The following GRIK1 variants were observed in gnomAD, a reference collection of about 807,000 sequenced individuals.
GRIK1 encodes glutamate receptor ionotropic, kainate 1.
In GRIK1, 69 loss-of-function variants were observed where a neutral mutation model predicts 105.7. The observed-to-expected ratio is 0.65, with a 90% CI of 0.54 to 0.80. The LOEUF is 0.80. Ranked by LOEUF, GRIK1 falls within the 30% of genes least tolerant of loss-of-function variation. The pLI is 0.00. For synonymous variants in GRIK1, 438 were observed against 431.3 expected (o/e 1.02, Z -0.19); for missense variants, 1,109 against 1,167.3 (o/e 0.95, Z 0.73).
intron 1 of GRIK1, among the ~76,000 whole-genome samples, chr21:29,834,482 C>T (rs1260404728): frequency 6.6e-6 from 1 of 151,174 alleles, no homozygotes; most frequent in Non-Finnish European, 1.5e-5. Flanking sequence ...TTCCTTCACC[C>T]CCCACTTTGT....
At chr21:29,641,730 C>T (rs2062514974) in intron 7 of GRIK1, among the ~76,000 whole-genome samples, 2 of 152,146 alleles carry the variant, frequency 1.3e-5, no homozygotes, top group South Asian at 4.1e-4. Context: ...CCTGGGCTTG[C>T]AAGCAACCTA....
intron 9 of GRIK1, among the ~76,000 whole-genome samples, chr21:29,593,073 T>A (rs2061355325): frequency 6.6e-6 from 1 of 152,214 alleles, no homozygotes; most frequent in Non-Finnish European, 1.5e-5. Flanking sequence ...TTTAGAGACA[T>A]CAATGCTTTG....
chr21:29,813,520 A>AT (rs1286217138), intron 1 of GRIK1, among the ~76,000 whole-genome samples: 1 of 152,164 alleles, frequency 6.6e-6, no homozygotes, highest in East Asian at 1.9e-4. Flanking sequence ...TTTCACACAC[A>AT]TTTTTTGTAT....
intron 1 of GRIK1, among the ~76,000 whole-genome samples, chr21:29,923,220 G>A (rs2071246753): frequency 6.6e-6 from 1 of 152,160 alleles, no homozygotes; most frequent in Non-Finnish European, 1.5e-5. Context: ...CCCTAGAGAA[G>A]TTCTTTTTTC....
chr21:29,633,313 A>G (rs1281206623), intron 7 of GRIK1, among the ~76,000 whole-genome samples: 1 of 152,196 alleles, frequency 6.6e-6, no homozygotes, highest in Non-Finnish European at 1.5e-5. Flanking sequence ...ATCCTGGCCA[A>G]CATGGTGAAA....
chr21:29,827,999 CTCTG>C (rs58878963), intron 1 of GRIK1, among the ~76,000 whole-genome samples: 4 of 97,016 alleles, frequency 4.1e-5, no homozygotes, highest in East Asian at 5.4e-4. Context: ...CTCTCTCTCT[CTCTG>C]TCTCTCTCTG....
intron 3 of GRIK1, among the ~76,000 whole-genome samples, chr21:29,676,168 A>T (rs1361314321): frequency 6.6e-6 from 1 of 152,242 alleles, no homozygotes; most frequent in East Asian, 1.9e-4. Context: ...TAATTGGAAT[A>T]AATTTATCTT....
At chr21:29,887,688 T>C (rs1418155940) in intron 1 of GRIK1, among the ~76,000 whole-genome samples, 3 of 152,182 alleles carry the variant, frequency 2.0e-5, no homozygotes, top group African/African-American at 4.8e-5. Context: ...CCTAAGTTAC[T>C]ATAATCTTTT....
intron 1 of GRIK1, among the ~76,000 whole-genome samples, chr21:29,907,261 C>T (rs2070676870): frequency 6.6e-6 from 1 of 151,732 alleles, no homozygotes; most frequent in Non-Finnish European, 1.5e-5. Context: ...AATGCTTTTA[C>T]CTGTTACTTT....
At chr21:29,816,195 A>G (rs2145909061) in intron 1 of GRIK1, among the ~76,000 whole-genome samples, 1 of 152,242 alleles carries the variant, frequency 6.6e-6, no homozygotes, top group Admixed American at 6.5e-5. Context: ...TATGAAAAAT[A>G]TAATCAACAT....
At chr21:29,831,244 G>A (rs2067628142) in intron 1 of GRIK1, among the ~76,000 whole-genome samples, 1 of 152,138 alleles carries the variant, frequency 6.6e-6, no homozygotes, top group South Asian at 2.1e-4. Flanking sequence ...GTACTGTCTG[G>A]TTGGGCTCTT....
chr21:29,809,245 T>C (rs1423258770), intron 1 of GRIK1, among the ~76,000 whole-genome samples: 1 of 152,118 alleles, frequency 6.6e-6, no homozygotes, highest in Non-Finnish European at 1.5e-5. Flanking sequence ...TATTGTGGGG[T>C]CGGTTCAGAC....
chr21:29,830,974 T>C (rs1472739475), intron 1 of GRIK1, among the ~76,000 whole-genome samples: 5 of 152,102 alleles, frequency 3.3e-5, no homozygotes, highest in Admixed American at 3.3e-4. Flanking sequence ...GGGGATATTT[T>C]AAAACACAAG....
intron 14 of GRIK1, among the ~76,000 whole-genome samples, chr21:29,572,328 C>T (rs1309666054): frequency 6.6e-6 from 1 of 152,136 alleles, no homozygotes; most frequent in East Asian, 1.9e-4. Context: ...AACTGGGTTG[C>T]TGGGCCACAA....
chr21:29,644,894 C>T (rs1033769790), intron 6 of GRIK1, among the ~76,000 whole-genome samples: 7 of 152,186 alleles, frequency 4.6e-5, no homozygotes. Flanking sequence ...TAAATTTTCA[C>T]TATAACCTTT....
Position 29,841,852 on chromosome 21 carries a change from G to A in GRIK1, c.118+97531C>T, listed in dbSNP as rs141033159. ...CGGAAACAATGGTTTCTGTTTGCTT[G>A]AATCAGTTGCCTCATCTCAAATGCC... On this transcript the variant is annotated intron_variant, in intron 1 of 17. Transcript: ENST00000327783. Among the ~76,000 whole-genome samples the A allele has an allele frequency of 3.4e-3, 510 of 152,174 alleles. 2 individuals carry two copies. The highest frequency in any genetic ancestry group is 0.012 in the African/African-American group (480 of 41,550).
At chr21:29,561,887 G>C in intron 14 of GRIK1, 38 bp from the exon 15 acceptor site, 2 of 1,265,178 alleles carry the variant, frequency 1.6e-6, no homozygotes, top group Non-Finnish European at 2.3e-6. Context: ...GCAGAAGAGG[G>C]CTGGAAAAAT....
At chr21:29,674,272 T>TA (rs397826808) in intron 3 of GRIK1, among the ~76,000 whole-genome samples, 1 of 150,986 alleles carries the variant, frequency 6.6e-6, no homozygotes, top group African/African-American at 2.4e-5. Flanking sequence ...TTTTTTTTTT[T>TA]ACCAGAAGTT....
intron 7 of GRIK1, among the ~76,000 whole-genome samples, chr21:29,612,232 G>T (rs558581123): frequency 6.6e-6 from 1 of 152,312 alleles, no homozygotes; most frequent in East Asian, 1.9e-4. Flanking sequence ...TGGCTAGTTT[G>T]TTGAAACACC....
Sources: gnomAD v4.1 joint callset for allele counts (sites outside exome capture counted in the v4.1 genomes callset) on GRCh38, gnomAD v4.1.1 for gene constraint, MANE v1.5 for transcripts, NCBI Gene and HGNC (gene_info 2026-07-23, HGNC 2026-07-21) for gene names.